Variants in FBLN5 observed in about 807,000 individuals in gnomAD.
FBLN5 encodes fibulin-5.
FBLN5 carries 24 observed loss-of-function variants against 61.6 expected under a neutral mutation model. That is an observed-to-expected ratio of 0.39 (90% CI 0.28 to 0.55). FBLN5 has a LOEUF of 0.55. FBLN5 is among the 20% of genes least tolerant of loss of function. The pLI is 0.65. For synonymous variants in FBLN5, 213 were observed against 219.8 expected, an observed-to-expected ratio of 0.97 and a Z score of 0.27; for missense variants, 470 against 594.1, an observed-to-expected ratio of 0.79 and a Z score of 2.17.
chr14:91,869,947 C>T lies in FBLN5; in HGVS notation c.*277G>A, dbSNP rs1888840806. 1 of 457,010 alleles carries T rather than the reference C, an allele frequency of 2.2e-6. No individual in the cohort carries two copies. Among genetic ancestry groups the T allele is most frequent in the East Asian group, 4.5e-5 (1 of 22,228 alleles). 28.3% of individuals were successfully genotyped at this position (457,010 alleles called of 1,614,324 possible). ...TTTCTTTGAAAATAGTGGAAATAAA[C>T]TGAAGGCCTTGAAAATTCACCAACA... On this transcript the variant is annotated 3_prime_UTR_variant, in exon 11 of 11. Transcript: ENST00000342058.
chr14:91,887,019 G>A (rs1889756097), intron 7 of FBLN5, among the ~76,000 whole-genome samples, 174 bp downstream of exon 7: 1 of 152,126 alleles, frequency 6.6e-6, no homozygotes, highest in Non-Finnish European at 1.5e-5. Flanking sequence ...TCACCTTTTG[G>A]GAAGTGACTC....
chr14:91,905,877 C>T (rs1595318261), intron 4 of FBLN5, among the ~76,000 whole-genome samples: 7 of 146,086 alleles, frequency 4.8e-5, no homozygotes, highest in African/African-American at 5.2e-5. Flanking sequence ...CACACCTGGC[C>T]GAGTTGTTTG....
At chr14:91,894,860 CTCAGGCAGCCAGCTATG>C in intron 5 of FBLN5, 73 bp downstream of exon 5, 2 of 1,186,224 alleles carry the variant, frequency 1.7e-6, no homozygotes, top group Non-Finnish European at 2.4e-6. Context: ...GCTTACTACC[CTCAGGCAGCCAGCTATG>C]CCCATACCTC....
intron 4 of FBLN5, among the ~76,000 whole-genome samples, chr14:91,903,533 G>A (rs1460408996): frequency 1.3e-5 from 2 of 152,154 alleles, no homozygotes; most frequent in Non-Finnish European, 2.9e-5. Flanking sequence ...CCTGACTCCT[G>A]TAATCTCCCC....
At chr14:91,936,105 C>A (rs1177169586) in intron 4 of FBLN5, among the ~76,000 whole-genome samples, 1 of 152,112 alleles carries the variant, frequency 6.6e-6, no homozygotes, top group African/African-American at 2.4e-5. Flanking sequence ...CACTCCAGAG[C>A]CCTGAAATGG....
In FBLN5 at chr14:91,914,741, G is replaced by A. The variant is rs74575054; in HGVS notation, c.380-19669C>T. 6.9e-3 allele frequency among the ~76,000 whole-genome samples: 1,043 copies of A among 150,970 alleles called. 2 individuals carry two copies. Among genetic ancestry groups the A allele is most frequent in the Non-Finnish European group, 8.9e-3 (601 of 67,830 alleles). ...AAAGCAAAAGGAAAAGAAAGAGATC[G>A]GGGAGAGCAACAAAGCAAAATATTT... On this transcript the variant is annotated intron_variant, in intron 4 of 10. Transcript: ENST00000342058.
intron 7 of FBLN5, 148 bp downstream of exon 7, chr14:91,887,045 G>C: frequency 1.2e-6 from 1 of 852,438 alleles, no homozygotes; most frequent in Admixed American, 1.7e-5. Context: ...TGTTCTGTGT[G>C]ATTCTGACCC....
chr14:91,911,465 C>A (rs773092254), intron 4 of FBLN5, among the ~76,000 whole-genome samples: 1 of 152,140 alleles, frequency 6.6e-6, no homozygotes, highest in African/African-American at 2.4e-5. Context: ...TCAGTCAAGA[C>A]TGGCAATAGC....
intron 3 of FBLN5, among the ~76,000 whole-genome samples, chr14:91,939,415 T>A (rs903334567): frequency 5.3e-5 from 8 of 151,512 alleles, no homozygotes; most frequent in African/African-American, 1.9e-4. Context: ...TCTCAGCTCA[T>A]TGCAACCTCT....
At chr14:91,921,051 C>T (rs1448723590) in intron 4 of FBLN5, among the ~76,000 whole-genome samples, 2 of 152,204 alleles carry the variant, frequency 1.3e-5, no homozygotes, top group East Asian at 1.9e-4. Flanking sequence ...AAGCCAGTCA[C>T]GACATTTTAA....
chr14:91,894,849 AGC>A, intron 5 of FBLN5, 99 bp downstream of exon 5: 1 of 1,027,422 alleles, frequency 9.7e-7, no homozygotes, highest in Admixed American at 1.9e-5. Context: ...AGCAAAGAAA[AGC>A]TTACTACCCT....
chr14:91,922,920 G>A (rs2140026263), intron 4 of FBLN5, among the ~76,000 whole-genome samples: 1 of 152,292 alleles, frequency 6.6e-6, no homozygotes, highest in South Asian at 2.1e-4. Flanking sequence ...TAAGCCTAAA[G>A]GAGACTTTGA....
chr14:91,919,381 GAAA>G (rs2055689037), intron 4 of FBLN5, among the ~76,000 whole-genome samples: 2 of 127,360 alleles, frequency 1.6e-5, no homozygotes, highest in Non-Finnish European at 3.3e-5. Flanking sequence ...GAAAAGAAAA[GAAA>G]GAAAGAAAGG....
intron 3 of FBLN5, chr14:91,939,870 C>A: frequency 2.3e-6 from 1 of 436,730 alleles, no homozygotes; most frequent in Non-Finnish European, 4.5e-6. Context: ...GGAGGTTATC[C>A]TGGATTTTCT....
chr14:91,877,947 G>C (rs1237482536), intron 9 of FBLN5: 1 of 573,828 alleles, frequency 1.7e-6, no homozygotes, highest in East Asian at 4.0e-5. Context: ...CTGGTTTTCA[G>C]AACATTAGAA....
intron 4 of FBLN5, among the ~76,000 whole-genome samples, chr14:91,926,952 G>A (rs1027376144): frequency 6.6e-6 from 1 of 152,082 alleles, no homozygotes; most frequent in Non-Finnish European, 1.5e-5. Flanking sequence ...GCTTTGTAAC[G>A]GTGCAGTGAT....
At chr14:91,940,009 T>C in intron 3 of FBLN5, 2 of 452,890 alleles carry the variant, frequency 4.4e-6, no homozygotes, top group Non-Finnish European at 8.8e-6. Flanking sequence ...GTGTTGGCTT[T>C]GAGGATGGAG....
At chr14:91,881,486 G>A (rs1290555414) in intron 8 of FBLN5, 68 bp from the exon 9 acceptor site, 10 of 1,580,926 alleles carry the variant, frequency 6.3e-6, no homozygotes, top group Non-Finnish European at 8.7e-6. Context: ...GTGGGGGTGG[G>A]GTAGGCTGGA....
intron 5 of FBLN5, among the ~76,000 whole-genome samples, chr14:91,893,129 C>T (rs993348246): frequency 5.3e-5 from 8 of 152,304 alleles, no homozygotes; most frequent in African/African-American, 1.7e-4. Flanking sequence ...GACTGAGACA[C>T]GGGAGACTTG....
Sources: gnomAD v4.1 joint callset for allele counts (sites outside exome capture counted in the v4.1 genomes callset) on GRCh38, gnomAD v4.1.1 for gene constraint, MANE v1.5 for transcripts, NCBI Gene and HGNC (gene_info 2026-07-23, HGNC 2026-07-21) for gene names.